Variants in RANBP2 observed in about 807,000 individuals in gnomAD.
RANBP2 encodes E3 SUMO-protein ligase RanBP2.
In RANBP2, 57 loss-of-function variants were observed where a neutral mutation model predicts 303.6. The observed-to-expected ratio is 0.19, with a 90% CI of 0.15 to 0.23. The LOEUF is 0.23. Among genes scored for constraint, RANBP2 ranks in the 10% least tolerant of loss-of-function variants. The pLI is 1.00. For missense variants in RANBP2, 3,138 were observed against 3,780.8 expected (o/e 0.83, Z 4.46); for synonymous variants, 1,167 against 1,301.5 (o/e 0.90, Z 2.23).
At chr2:109,602,148 A>C in the RANBP2 span, among the ~76,000 whole-genome samples, 1 of 152,222 alleles carries the variant, frequency 6.6e-6, no homozygotes, top group African/African-American at 2.4e-5. Context: ...TGATTTCCGT[A>C]CTAAGTGGGT....
chr2:109,647,288 T>C, the RANBP2 span, among the ~76,000 whole-genome samples: 727 of 146,796 alleles, frequency 5.0e-3, 3 homozygotes, highest in Non-Finnish European at 7.5e-3. Flanking sequence ...CTCAGCCTCC[T>C]AAATATCTGG....
At chr2:109,087,624 G>A in the RANBP2 span, among the ~76,000 whole-genome samples, 2 of 152,116 alleles carry the variant, frequency 1.3e-5, no homozygotes, top group Admixed American at 6.5e-5. Context: ...TGTTATCTAG[G>A]GCAAATTACT....
At chr2:108,934,330 G>T in the RANBP2 span, among the ~76,000 whole-genome samples, 6 of 152,140 alleles carry the variant, frequency 3.9e-5, no homozygotes, top group Admixed American at 6.5e-5. Flanking sequence ...CTGGGCGCTG[G>T]GGGGCTGACG....
chr2:108,767,291 G>A lies in RANBP2; in HGVS notation c.6752G>A (p.Ser2251Asn), dbSNP rs1348211696. ...SSVHASPLASSPVRKNLFRFG... is the reference protein window; with the variant it reads ...SSVHASPLASNPVRKNLFRFG... The stretch of plus-strand genomic sequence containing the variant: ...GTACATGCTTCTCCATTGGCAAGTA[G>A]CCCTGTGAGAAAAAATCTTTTCCGT... Residue 2251 changes from serine (S) to asparagine (N), a missense_variant, in exon 20 of 29, where the codon AGC becomes AAC. By Grantham distance (46) the Ser-to-Asn change is conservative (BLOSUM62 1). Around this residue, in one of 20 missense-constraint regions of RANBP2, gnomAD observed 72 missense variants for 86.8 expected, o/e 0.83. Transcript: ENST00000283195. The A allele has an allele frequency of 1.9e-6, 3 of 1,612,024 alleles. No homozygotes were observed. The highest frequency in any genetic ancestry group is 2.5e-6 in the Non-Finnish European group (3 of 1,179,862).
At chr2:108,943,523 AAG>A in the RANBP2 span, among the ~76,000 whole-genome samples, 3 of 152,224 alleles carry the variant, frequency 2.0e-5, no homozygotes, top group Non-Finnish European at 2.9e-5. Flanking sequence ...CTTTTTGAAA[AAG>A]AGATTGCTGG....
the RANBP2 span, among the ~76,000 whole-genome samples, chr2:109,165,250 A>G: frequency 6.6e-6 from 1 of 152,196 alleles, no homozygotes; most frequent in African/African-American, 2.4e-5. Context: ...TGTATCAAGA[A>G]GGTTCAGAGT....
the RANBP2 span, among the ~76,000 whole-genome samples, chr2:108,863,045 T>G: frequency 2.6e-5 from 4 of 152,220 alleles, no homozygotes; most frequent in Non-Finnish European, 5.9e-5. Flanking sequence ...CTTCTGAATA[T>G]ATCCATATTG....
the RANBP2 span, among the ~76,000 whole-genome samples, chr2:109,611,809 T>A: frequency 6.6e-6 from 1 of 152,146 alleles, no homozygotes; most frequent in Non-Finnish European, 1.5e-5. Context: ...TAAGAATGGC[T>A]AAATTAAAAA....
the RANBP2 span, among the ~76,000 whole-genome samples, chr2:109,342,134 A>G: frequency 2.6e-5 from 4 of 152,146 alleles, no homozygotes; most frequent in South Asian, 8.3e-4. Flanking sequence ...GTCCATCTAT[A>G]ACTCTGGGCC....
chr2:109,692,294 G>A, the RANBP2 span, among the ~76,000 whole-genome samples: 2 of 152,034 alleles, frequency 1.3e-5, no homozygotes, highest in Non-Finnish European at 2.9e-5. Context: ...TCAGGCTGGG[G>A]GCGGTGGGGA....
At chr2:109,096,221 G>A in the RANBP2 span, among the ~76,000 whole-genome samples, 2 of 152,108 alleles carry the variant, frequency 1.3e-5, no homozygotes, top group East Asian at 1.9e-4. Context: ...CTTATTTAAT[G>A]TATCAAAACC....
chr2:109,705,993 C>T, the RANBP2 span, among the ~76,000 whole-genome samples: 1 of 152,122 alleles, frequency 6.6e-6, no homozygotes, highest in Non-Finnish European at 1.5e-5. Context: ...AACCAGTGAC[C>T]AGAAGCTTGG....
chr2:108,810,150 A>G, the RANBP2 span, among the ~76,000 whole-genome samples: 1 of 152,084 alleles, frequency 6.6e-6, no homozygotes, highest in Non-Finnish European at 1.5e-5. Flanking sequence ...TTCTTGCTTA[A>G]TTACTCTGGC....
At chr2:109,584,834 A>C in the RANBP2 span, among the ~76,000 whole-genome samples, 1 of 152,148 alleles carries the variant, frequency 6.6e-6, no homozygotes, top group Non-Finnish European at 1.5e-5. Flanking sequence ...AAATTAGTAT[A>C]ATTAATATAC....
At chr2:108,805,476 A>G in the RANBP2 span, among the ~76,000 whole-genome samples, 1 of 152,226 alleles carries the variant, frequency 6.6e-6, no homozygotes, top group South Asian at 2.1e-4. Context: ...CTGTAATCCC[A>G]GCACTTTGGG....
chr2:108,832,349 T>C, the RANBP2 span, among the ~76,000 whole-genome samples: 3,006 of 147,336 alleles, frequency 0.02, 77 homozygotes, highest in African/African-American at 0.057. Flanking sequence ...TCTTTCTTTT[T>C]TTTTTTTTTT....
At chr2:109,047,496 AAAAC>A in the RANBP2 span, among the ~76,000 whole-genome samples, 252 of 152,266 alleles carry the variant, frequency 1.7e-3, 1 homozygote, top group Admixed American at 4.4e-3. Context: ...GGCTCAAAGA[AAAAC>A]AAACAAACAA....
At chr2:109,614,928 C>T in the RANBP2 span, 1 of 1,503,658 alleles carries the variant, frequency 6.7e-7, no homozygotes, top group Non-Finnish European at 8.8e-7. Flanking sequence ...GCACTGGCCG[C>T]CCCTGAGCGC....
At chr2:109,270,024 C>A in the RANBP2 span, among the ~76,000 whole-genome samples, 2 of 152,284 alleles carry the variant, frequency 1.3e-5, no homozygotes, top group Admixed American at 6.5e-5. Context: ...TAATAGATTG[C>A]GATTGAAGCC....
Sources: gnomAD v4.1 joint callset for allele counts (sites outside exome capture counted in the v4.1 genomes callset) on GRCh38, gnomAD v4.1.1 for gene constraint, gnomAD v4.1.1 regional missense constraint, MANE v1.5 for transcripts, NCBI Gene and HGNC (gene_info 2026-07-23, HGNC 2026-07-21) for gene names.